The following RBFOX1 variants were observed in gnomAD, a reference collection of about 807,000 sequenced individuals.
RBFOX1 encodes RNA binding fox-1 homolog 1, also known as RNA binding protein fox-1 homolog 1.
A neutral mutation model predicts 57.7 loss-of-function variants in RBFOX1; 8 were observed. That is an observed-to-expected ratio of 0.14 (90% confidence interval 0.08 to 0.25). The LOEUF is 0.25. Ranked by LOEUF, RBFOX1 falls within the 10% of genes least tolerant of loss-of-function variation. The probability of loss-of-function intolerance (pLI) is 1.00; values close to 1 mark genes in which losing one functional copy is unlikely to be tolerated. For synonymous variants in RBFOX1, 326 were observed against 222.4 expected, an observed-to-expected ratio of 1.47 and a Z score of -4.15; for missense variants, 611 against 548.5, an observed-to-expected ratio of 1.11 and a Z score of -1.14.
chr16:7,152,244 A>T (rs1231754112), intron 4 of RBFOX1, among the ~76,000 whole-genome samples: 3 of 152,230 alleles, frequency 2.0e-5, no homozygotes, highest in South Asian at 2.1e-4. Context: ...TAGCACAAGT[A>T]GGCTGTGCAT....
intron 2 of RBFOX1, among the ~76,000 whole-genome samples, chr16:5,581,280 G>C (rs1165229111): frequency 6.6e-5 from 10 of 152,188 alleles, no homozygotes; most frequent in Non-Finnish European, 1.3e-4. Context: ...AGTTCTACAA[G>C]GAATAGACTT....
At chr16:7,693,296 A>G (rs777831343) in intron 14 of RBFOX1, 4 of 1,611,956 alleles carry the variant, frequency 2.5e-6, no homozygotes, top group South Asian at 1.1e-5. Context: ...AGTATTGTGA[A>G]TTTTATCTTC....
chr16:7,572,972 C>T (rs2092947615), intron 5 of RBFOX1, among the ~76,000 whole-genome samples: 1 of 152,124 alleles, frequency 6.6e-6, no homozygotes, highest in African/African-American at 2.4e-5. Flanking sequence ...CCTCGAGTTA[C>T]ATCCTGGTAG....
At chr16:6,374,922 C>A (rs2090967882) in intron 2 of RBFOX1, among the ~76,000 whole-genome samples, 1 of 152,174 alleles carries the variant, frequency 6.6e-6, no homozygotes, top group Admixed American at 6.5e-5. Flanking sequence ...GGTGGGATTC[C>A]TGTTAGCAAC....
chr16:6,419,122 T>C (rs1223777167), intron 2 of RBFOX1, among the ~76,000 whole-genome samples: 1 of 152,226 alleles, frequency 6.6e-6, no homozygotes, highest in Non-Finnish European at 1.5e-5. Context: ...ATGATTTTTC[T>C]TAAATTTTCT....
At position 6,173,464 on chromosome 16, in the gene RBFOX1, C is replaced by T. The variant is rs116419222; in HGVS notation, c.-126-143531C>T. ...ACAAACACACATGTGTGCATGTGCA[C>T]ACATAGACACACACACACTCCACTC... On this transcript the variant is annotated intron_variant, in intron 1 of 15. Transcript: ENST00000550418. Among the ~76,000 whole-genome samples, 582 of 152,222 alleles carry T rather than the reference C, an allele frequency of 3.8e-3. 6 individuals carry two copies. The highest frequency in any genetic ancestry group is 0.013 in the African/African-American group (560 of 41,520).
intron 3 of RBFOX1, among the ~76,000 whole-genome samples, chr16:6,754,770 T>C (rs1336147890): frequency 3.3e-5 from 5 of 152,194 alleles, no homozygotes; most frequent in Admixed American, 6.5e-5. Flanking sequence ...TAGTTACATA[T>C]GTATACATGT....
intron 4 of RBFOX1, among the ~76,000 whole-genome samples, chr16:7,142,621 G>A (rs768355444): frequency 2.0e-5 from 3 of 152,058 alleles, no homozygotes; most frequent in Non-Finnish European, 4.4e-5. Context: ...TCATCTTCTG[G>A]ACTGTCAATC....
chr16:7,499,669 C>G (rs1300608486), intron 4 of RBFOX1, among the ~76,000 whole-genome samples: 1 of 152,046 alleles, frequency 6.6e-6, no homozygotes, highest in African/African-American at 2.4e-5. Context: ...TGAATGCAGC[C>G]AGTGGGTAGT....
At chr16:6,047,337 G>A (rs1042055412) in intron 1 of RBFOX1, among the ~76,000 whole-genome samples, 1 of 152,208 alleles carries the variant, frequency 6.6e-6, no homozygotes, top group African/African-American at 2.4e-5. Context: ...AGGATGCCGT[G>A]CATGAGGAAG....
At chr16:7,118,053 T>A (rs556034797) in intron 4 of RBFOX1, among the ~76,000 whole-genome samples, 2 of 152,262 alleles carry the variant, frequency 1.3e-5, no homozygotes, top group South Asian at 4.1e-4. Flanking sequence ...TGCAGGTGTG[T>A]TTTTTTATAC....
intron 2 of RBFOX1, among the ~76,000 whole-genome samples, chr16:6,588,661 A>ACATTGATAGACATTTGGGTTGGTTCC (rs2097665809): frequency 6.6e-6 from 1 of 152,184 alleles, no homozygotes; most frequent in East Asian, 1.9e-4. Context: ...GAAAAACAAA[A>ACATTGATAGACATTTGGGTTGGTTCC]AATGAGAAAT....
intron 3 of RBFOX1, among the ~76,000 whole-genome samples, chr16:6,698,188 T>C (rs1386595549): frequency 2.0e-5 from 3 of 152,164 alleles, no homozygotes; most frequent in African/African-American, 7.2e-5. Context: ...AATTTTACTT[T>C]CCCTCGTGCT....
intron 3 of RBFOX1, among the ~76,000 whole-genome samples, chr16:6,896,165 C>T (rs961362154): frequency 1.2e-4 from 18 of 152,014 alleles, no homozygotes; most frequent in Non-Finnish European, 5.9e-5. Flanking sequence ...CCCAGCTACT[C>T]AGGAGGCTGA....
chr16:6,904,017 A>G (rs906869287), intron 3 of RBFOX1, among the ~76,000 whole-genome samples: 1 of 152,128 alleles, frequency 6.6e-6, no homozygotes, highest in Non-Finnish European at 1.5e-5. Context: ...AACACAGCCT[A>G]CAAATGCCCC....
At chr16:6,930,635 C>G (rs974175328) in intron 3 of RBFOX1, among the ~76,000 whole-genome samples, 24 of 152,088 alleles carry the variant, frequency 1.6e-4, no homozygotes, top group African/African-American at 5.8e-4. Context: ...GTCTTGAGCT[C>G]CTCACCTTAG....
At chr16:7,550,390 C>G (rs556154538) in intron 5 of RBFOX1, among the ~76,000 whole-genome samples, 21 of 152,160 alleles carry the variant, frequency 1.4e-4, no homozygotes, top group African/African-American at 5.1e-4. Context: ...GTGACGATGC[C>G]CAGAGGGGGA....
chr16:7,415,742 G>C (rs1413711419), intron 4 of RBFOX1, among the ~76,000 whole-genome samples: 1 of 151,978 alleles, frequency 6.6e-6, no homozygotes, highest in Non-Finnish European at 1.5e-5. Flanking sequence ...ACCCAGCAAT[G>C]GTTACGTTAA....
At chr16:6,678,392 G>A (rs535090661) in intron 3 of RBFOX1, among the ~76,000 whole-genome samples, 1 of 151,992 alleles carries the variant, frequency 6.6e-6, no homozygotes, top group African/African-American at 2.4e-5. Context: ...CTAAAGTGCT[G>A]GGATTACAGG....
Sources: gnomAD v4.1 joint callset for allele counts (sites outside exome capture counted in the v4.1 genomes callset) on GRCh38, gnomAD v4.1.1 for gene constraint, MANE v1.5 for transcripts, NCBI Gene and HGNC (gene_info 2026-07-23, HGNC 2026-07-21) for gene names.